BUD23: variants seen among roughly 807,000 people sequenced by gnomAD.
BUD23 encodes the protein 18S rRNA (guanine-N(7))-methyltransferase.
BUD23 carries 34 observed loss-of-function variants against 47.0 expected under a neutral mutation model. The ratio of observed to expected loss-of-function variants is 0.72; its 90% confidence interval spans 0.55 to 0.96. BUD23 has a LOEUF of 0.96. Among genes scored for constraint, BUD23 ranks in the 40% least tolerant of loss-of-function variants. The pLI is 0.00. For missense variants in BUD23, 343 were observed against 361.2 expected (o/e 0.95, Z 0.41); for synonymous variants, 124 against 132.0 (o/e 0.94, Z 0.41).
intron 2 of BUD23, chr7:73,684,110 T>C: frequency 1.2e-6 from 1 of 802,602 alleles, no homozygotes; most frequent in Non-Finnish European, 1.9e-6. Flanking sequence ...GGGCGAGGGG[T>C]CAGTCCTGGT....
At position 73,693,667 on chromosome 7, in the gene BUD23, G is replaced by A; in HGVS notation, c.640G>A (p.Glu214Lys). The A allele has an allele frequency of 6.2e-7, 1 of 1,614,174 alleles. No homozygotes were observed. Among genetic ancestry groups the A allele is most frequent in the Non-Finnish European group, 8.5e-7 (1 of 1,180,034 alleles). ...TTCTGGGCCTTCGACCTTTATACCA[G>A]AGGTGAGGGACACTGGGTTTGCAGG... ...LFSGPSTFIP[E>K]GLSENQDEVE... Residue 214 changes from glutamate (E) to lysine (K), a missense_variant and splice_region_variant, in exon 9 of 12, where the codon GAG becomes AAG. Physicochemically the swap from Glu to Lys is moderately conservative, Grantham distance 56 (BLOSUM62 1). Coordinates refer to ENST00000265758, the MANE Select transcript of BUD23 (RefSeq NM_017528.5).
intron 10 of BUD23, 74 bp from the exon 11 acceptor site, chr7:73,697,531 G>T (rs781967420): frequency 4.3e-6 from 7 of 1,609,616 alleles, no homozygotes; most frequent in Non-Finnish European, 5.9e-6. Flanking sequence ...GCTTGCCATG[G>T]ATTCACATGG....
chr7:73,684,923 CAAAAAAAAA>C lies in BUD23; in HGVS notation c.86+1147_86+1155del, dbSNP rs56229090. Among the ~76,000 whole-genome samples the C allele has an allele frequency of 1.2e-3, 57 of 49,138 alleles. 1 individual carries two copies. Among genetic ancestry groups the C allele is most frequent in the African/African-American group, 5.1e-3 (45 of 8,826 alleles). 32.2% of individuals were successfully genotyped at this position (49,138 alleles called of 152,430 possible). A position where few individuals can be genotyped will look rare whatever the true frequency, so the allele number is the denominator to read the frequency against. Reference sequence around the variant, plus strand: ...TGGGCGACAGAGCAAGACTTTGTTTCAAAAAAAAAAAAAAAAAAAAAAAAAAAAAAAAAA... The same window carrying C: ...TGGGCGACAGAGCAAGACTTTGTTTCAAAAAAAAAAAAAAAAAAAAAAAAA... On this transcript the variant is annotated intron_variant, in intron 2 of 11. Coordinates refer to ENST00000265758, the MANE Select transcript of BUD23 (RefSeq NM_017528.5).
Position 73,686,629 on chromosome 7 carries a change from T to C in BUD23, c.87-7T>C. The stretch of plus-strand genomic sequence containing the variant: ...TACCATGTCCACTTGTGTTTCTGCC[T>C]TACCAGCTCACGGATGATTGATATC... On this transcript the variant is annotated splice_region_variant and splice_polypyrimidine_tract_variant and intron_variant, in intron 2 of 11. Transcript: ENST00000265758. 1 of 1,614,078 alleles carries C rather than the reference T, an allele frequency of 6.2e-7. No individual in the cohort carries two copies.
Position 73,686,751 on chromosome 7 carries a change from T to C in BUD23, c.182+20T>C. The C allele has an allele frequency of 6.2e-7, 1 of 1,614,118 alleles. No homozygotes were observed. The highest frequency in any genetic ancestry group is 8.5e-7 in the Non-Finnish European group (1 of 1,180,000). On this transcript the variant is annotated intron_variant, in intron 3 of 11. Coordinates refer to ENST00000265758, the MANE Select transcript of BUD23 (RefSeq NM_017528.5). The stretch of plus-strand genomic sequence containing the variant: ...TATTGGGTGAGATTCTGGGGCCTGG[T>C]TCAGATTGTCTAAGGTGGTGAAGTG...
intron 5 of BUD23, among the ~76,000 whole-genome samples, chr7:73,687,988 C>T (rs12533461): frequency 0.26 from 39,523 of 150,994 alleles, 6,293 homozygotes; most frequent in South Asian, 0.35. Context: ...CTCCGCCTCC[C>T]GGGTTCAAGC....
chr7:73,691,837 T>G (rs1181070820), intron 6 of BUD23, among the ~76,000 whole-genome samples: 5 of 152,144 alleles, frequency 3.3e-5, no homozygotes, highest in African/African-American at 1.2e-4. Context: ...ACTCCTGGCT[T>G]CAAGCAATTG....
intron 5 of BUD23, among the ~76,000 whole-genome samples, chr7:73,690,572 A>G (rs1798151474): frequency 6.6e-6 from 1 of 151,968 alleles, no homozygotes. Flanking sequence ...TGTATGTCCT[A>G]TTTTTCCAGT....
chr7:73,683,940 G>T, intron 2 of BUD23, 136 bp downstream of exon 2: 2 of 1,571,384 alleles, frequency 1.3e-6, no homozygotes, highest in Non-Finnish European at 1.7e-6. Flanking sequence ...GCCGATTTCT[G>T]TCTCTGGTAA....
chr7:73,694,112 G>C, intron 10 of BUD23, 62 bp downstream of exon 10: 1 of 1,553,702 alleles, frequency 6.4e-7, no homozygotes, highest in Non-Finnish European at 8.7e-7. Context: ...GTTAGACATG[G>C]ACTTTCTCTC....
At chr7:73,686,538 T>C (rs1797976449) in intron 2 of BUD23, 98 bp from the exon 3 acceptor site, 1 of 1,109,108 alleles carries the variant, frequency 9.0e-7, no homozygotes, top group Non-Finnish European at 1.3e-6. Flanking sequence ...TTTTGTTTGT[T>C]TTTAACTTGG....
At chr7:73,696,929 G>C (rs1798427440) in intron 10 of BUD23, 1 of 162,280 alleles carries the variant, frequency 6.2e-6, no homozygotes, top group Non-Finnish European at 1.4e-5. Flanking sequence ...CTCACCTCTT[G>C]CCCCCTGGTT....
chr7:73,683,708 A>G, intron 1 of BUD23, 35 bp downstream of exon 1: 6 of 1,613,818 alleles, frequency 3.7e-6, no homozygotes, highest in Non-Finnish European at 5.1e-6. Context: ...CCCTCTCCCC[A>G]CTTCTGCGGC....
intron 2 of BUD23, among the ~76,000 whole-genome samples, chr7:73,684,965 T>C (rs1797903354): frequency 1.5e-5 from 2 of 131,306 alleles, no homozygotes; most frequent in Non-Finnish European, 3.1e-5. Context: ...AAAAAGATAC[T>C]TTGTGGTTTT....
intron 2 of BUD23, among the ~76,000 whole-genome samples, chr7:73,686,098 CAA>C (rs35703206): frequency 1.8e-3 from 261 of 143,366 alleles, no homozygotes; most frequent in African/African-American, 3.2e-3. Context: ...GACTCCGTCT[CAA>C]AAAAAAAAAA....
intron 10 of BUD23, chr7:73,695,961 T>C (rs566881932): frequency 1.3e-5 from 2 of 152,282 alleles, no homozygotes; most frequent in East Asian, 3.9e-4. Flanking sequence ...CCAGCTAGAG[T>C]GAAAACTTGG....
Position 73,686,850 on chromosome 7 carries a change from C to T in BUD23, c.215C>T (p.Ser72Leu), listed in dbSNP as rs1554613098. Residue 72 changes from serine to leucine, a missense_variant, in exon 4 of 12, where the codon TCA (serine) becomes TTA (leucine). Ser to Leu is a moderately radical substitution (Grantham distance 145). Coordinates refer to ENST00000265758, the MANE Select transcript of BUD23 (RefSeq NM_017528.5). ...ACTGGGCTGAGTGGAAGTTATCTGT[C>T]AGATGAAGGGCACTATTGGGTGGGC... is the stretch of plus-strand genomic sequence containing the variant. ...CGTGLSGSYL[S>L]DEGHYWVGLD... 6.2e-7 allele frequency: 1 copy of T among 1,614,148 alleles called. No individual in the cohort carries two copies. The highest frequency in any genetic ancestry group is 1.7e-5 in the Admixed American group (1 of 60,018).
chr7:73,688,743 TAG>T (rs1471980700), intron 5 of BUD23, among the ~76,000 whole-genome samples: 3 of 152,132 alleles, frequency 2.0e-5, no homozygotes, highest in African/African-American at 7.2e-5. Flanking sequence ...AGTGAGAAAA[TAG>T]GGGAGGAAGT....
chr7:73,684,659 A>T (rs1487964304), intron 2 of BUD23, among the ~76,000 whole-genome samples: 146 of 148,372 alleles, frequency 9.8e-4, no homozygotes, highest in African/African-American at 3.6e-3. Context: ...GCGGTGTCTC[A>T]CGCCTGTAAT....
Sources: gnomAD v4.1 joint callset for allele counts (sites outside exome capture counted in the v4.1 genomes callset) on GRCh38, gnomAD v4.1.1 for gene constraint, MANE v1.5 for transcripts, NCBI Gene and HGNC (gene_info 2026-07-23, HGNC 2026-07-21) for gene names.